Variants in PKN2 observed in about 807,000 individuals in gnomAD.
The protein encoded by PKN2 is serine/threonine-protein kinase N2.
A neutral mutation model predicts 119.1 loss-of-function variants in PKN2; 38 were observed. The ratio of observed to expected loss-of-function variants is 0.32; its 90% confidence interval spans 0.25 to 0.42. The LOEUF (loss-of-function observed/expected upper bound fraction) is 0.42, where lower values mean the gene tolerates loss of function less well. PKN2 is among the 10% of genes least tolerant of loss of function. The pLI is 1.00. For synonymous variants in PKN2, 390 were observed against 384.9 expected, an observed-to-expected ratio of 1.01 and a Z score of -0.15; for missense variants, 850 against 1,165.1, an observed-to-expected ratio of 0.73 and a Z score of 3.94.
chr1:88,744,541 C>G (rs892414372), intron 2 of PKN2, among the ~76,000 whole-genome samples: 1 of 152,218 alleles, frequency 6.6e-6, no homozygotes, highest in African/African-American at 2.4e-5. Context: ...CTGCCTCAGC[C>G]TCCCGAGTAG....
intron 16 of PKN2, among the ~76,000 whole-genome samples, chr1:88,817,661 A>T (rs1215143694): frequency 6.6e-6 from 1 of 151,640 alleles, no homozygotes. Context: ...GTAAGCCGAG[A>T]TCGCGCCACA....
intron 1 of PKN2, among the ~76,000 whole-genome samples, chr1:88,732,028 A>T (rs1211982652): frequency 1.3e-5 from 2 of 152,228 alleles, no homozygotes; most frequent in East Asian, 3.8e-4. Flanking sequence ...TGTATTTGAA[A>T]TACTTGACTG....
rs1671581645 is a variant in PKN2, at chr1:88,807,217, A to G, written c.1804-96A>G. 3.2e-6 allele frequency: 3 copies of G among 948,208 alleles called. No individual in the cohort carries two copies. The East Asian group carries it at 8.0e-5, about 25-fold the overall frequency. 58.7% of individuals were successfully genotyped at this position (948,208 alleles called of 1,614,324 possible). A position where few individuals can be genotyped will look rare whatever the true frequency, so the allele number is the denominator to read the frequency against. Reference sequence around the variant, plus strand: ...TTTTACTTTTCACTCCAACATTTATATTGACTTTTGAAATGTTTTTCCTTA... The same window carrying G: ...TTTTACTTTTCACTCCAACATTTATGTTGACTTTTGAAATGTTTTTCCTTA... On this transcript the variant is annotated intron_variant, in intron 12 of 21. Coordinates refer to ENST00000370521, the MANE Select transcript of PKN2 (RefSeq NM_006256.4).
chr1:88,804,436 CTG>C lies in PKN2; in HGVS notation c.1332_1333del (p.Ala445CysfsTer35). 1 of 1,613,360 alleles carries C rather than the reference CTG, an allele frequency of 6.2e-7. No individual in the cohort carries two copies. The highest frequency in any genetic ancestry group is 8.5e-7 in the Non-Finnish European group (1 of 1,179,628). On this transcript the variant is annotated frameshift_variant, in exon 9 of 22. Coordinates refer to ENST00000370521, the MANE Select transcript of PKN2 (RefSeq NM_006256.4). LOFTEE classifies it high-confidence loss of function. ...ISVYWRDWRS[L>X]CAVKFLRLED... ...AGTTTATTGGCGTGATTGGCGGTCT[CTG>C]TGTGCTGTAAAATTTCTGAGGTTAG...
In PKN2 at chr1:88,741,034, A is replaced by C; in HGVS notation, c.95A>C (p.Gln32Pro). 6.3e-7 allele frequency: 1 copy of C among 1,593,550 alleles called. No homozygotes were observed. The highest frequency in any genetic ancestry group is 8.5e-7 in the Non-Finnish European group (1 of 1,173,978). Reference sequence around the variant, plus strand: ...TTTTCTGAGAATGTGAGTGCTGTTCAAAAATTAGACTTTTCAGATACAATG... The same window carrying C: ...TTTTCTGAGAATGTGAGTGCTGTTCCAAAATTAGACTTTTCAGATACAATG... ...LPFSENVSAV[Q>P]KLDFSDTMVQ... Residue 32 changes from glutamine (Q) to proline (P), a missense_variant, in exon 2 of 22, where the codon CAA becomes CCA. Coordinates refer to ENST00000370521, the MANE Select transcript of PKN2 (RefSeq NM_006256.4).
At chr1:88,742,969 T>A (rs1668634312) in intron 2 of PKN2, among the ~76,000 whole-genome samples, 1 of 152,126 alleles carries the variant, frequency 6.6e-6, no homozygotes. Flanking sequence ...GGCAGGCGGA[T>A]CACTTGAGGC....
rs567146486 is a variant in PKN2 at position 88,690,272 on chromosome 1, C to A, written c.48+5644C>A. 5.9e-5 allele frequency among the ~76,000 whole-genome samples: 9 copies of A among 152,286 alleles called. No individual in the cohort carries two copies. The East Asian group carries it at 1.5e-3, about 26-fold the overall frequency. On this transcript the variant is annotated intron_variant, in intron 1 of 21. Coordinates refer to ENST00000370521, the MANE Select transcript of PKN2 (RefSeq NM_006256.4). ...GGCAATGGTAAATTTTCATGCCATT[C>A]ATCAGAAGCATGTTTACTTTTAAAC...
intron 7 of PKN2, among the ~76,000 whole-genome samples, chr1:88,785,454 A>G (rs1352851536): frequency 6.6e-6 from 1 of 152,152 alleles, no homozygotes; most frequent in East Asian, 1.9e-4. Flanking sequence ...GTGACACTTT[A>G]ATAGTAACAT....
chr1:88,713,137 G>C (rs1025318083), intron 1 of PKN2, among the ~76,000 whole-genome samples: 6 of 152,152 alleles, frequency 3.9e-5, no homozygotes, highest in African/African-American at 1.2e-4. Flanking sequence ...GTATTCCATG[G>C]TGTATATGTG....
chr1:88,779,034 A>G (rs910029003), intron 6 of PKN2, among the ~76,000 whole-genome samples: 2 of 152,160 alleles, frequency 1.3e-5, no homozygotes, highest in African/African-American at 2.4e-5. Flanking sequence ...AAGATTTTCT[A>G]GTTACGTGAA....
At chr1:88,684,964 T>C in intron 1 of PKN2, 1 of 263,362 alleles carries the variant, frequency 3.8e-6, no homozygotes, top group Non-Finnish European at 7.2e-6. Context: ...GTGTCAGAGC[T>C]ACCCGCGAAC....
intron 16 of PKN2, among the ~76,000 whole-genome samples, chr1:88,820,217 TATATATATATATATATAAATAGAA>T (rs1238713542): frequency 4.2e-5 from 3 of 71,366 alleles, no homozygotes; most frequent in African/African-American, 1.8e-4. Context: ...TATATATATA[TATATATATATATATATAAATAGAA>T]AAAAATAAAA....
intron 19 of PKN2, 41 bp downstream of exon 19, chr1:88,828,664 A>G: frequency 1.3e-6 from 2 of 1,533,096 alleles, no homozygotes; most frequent in East Asian, 2.3e-5. Flanking sequence ...AGGAAGGATG[A>G]TTGAAATAAT....
At chr1:88,782,823 C>T (rs1234126081) in intron 6 of PKN2, among the ~76,000 whole-genome samples, 1 of 152,128 alleles carries the variant, frequency 6.6e-6, no homozygotes. Context: ...AGCAAATACA[C>T]CTGGTAATCT....
chr1:88,815,630 G>C (rs1456030576), intron 16 of PKN2, among the ~76,000 whole-genome samples: 1 of 152,122 alleles, frequency 6.6e-6, no homozygotes, highest in Admixed American at 6.6e-5. Flanking sequence ...AATCAAAATA[G>C]CTTGATTTCT....
intron 6 of PKN2, among the ~76,000 whole-genome samples, chr1:88,775,198 G>A (rs145112376): frequency 1.1e-4 from 17 of 152,070 alleles, no homozygotes; most frequent in Admixed American, 4.6e-4. Context: ...TCCTGGGCTC[G>A]AGCAATCTGT....
At chr1:88,801,478 C>T (rs760223623) in intron 8 of PKN2, among the ~76,000 whole-genome samples, 2 of 152,196 alleles carry the variant, frequency 1.3e-5, no homozygotes, top group Non-Finnish European at 2.9e-5. Context: ...CCTTGTTTTT[C>T]AGATACCATG....
intron 19 of PKN2, among the ~76,000 whole-genome samples, chr1:88,830,271 A>T (rs1330928618): frequency 6.6e-6 from 1 of 152,126 alleles, no homozygotes; most frequent in Non-Finnish European, 1.5e-5. Flanking sequence ...TGTTCTTAAG[A>T]CTAGTGGTCC....
At chr1:88,716,948 A>G (rs1413983814) in intron 1 of PKN2, among the ~76,000 whole-genome samples, 1 of 151,932 alleles carries the variant, frequency 6.6e-6, no homozygotes, top group Non-Finnish European at 1.5e-5. Flanking sequence ...GTTCCTTTCC[A>G]TGTTTAGTGC....
Sources: allele counts gnomAD v4.1 joint callset (sites outside exome capture counted in the v4.1 genomes callset), GRCh38; gene constraint gnomAD v4.1.1; transcripts MANE v1.5; gene names NCBI Gene and HGNC (gene_info 2026-07-23, HGNC 2026-07-21).